CDH13: variants seen among roughly 807,000 people sequenced by gnomAD.
CDH13 encodes the protein cadherin 13, also known as cadherin-13.
In CDH13, 24 loss-of-function variants were observed where a neutral mutation model predicts 63.8. The observed-to-expected ratio is 0.38, with a 90% CI of 0.27 to 0.53. The LOEUF (loss-of-function observed/expected upper bound fraction) is 0.53, where lower values mean the gene tolerates loss of function less well. Ranked by LOEUF, CDH13 falls within the 20% of genes least tolerant of loss-of-function variation. The probability of loss-of-function intolerance (pLI) is 0.85; values close to 1 mark genes in which losing one functional copy is unlikely to be tolerated. For missense variants in CDH13, 1,049 were observed against 903.1 expected, an observed-to-expected ratio of 1.16 and a Z score of -2.07; for synonymous variants, 503 against 355.3, an observed-to-expected ratio of 1.42 and a Z score of -4.67.
intron 1 of CDH13, among the ~76,000 whole-genome samples, chr16:82,832,261 G>C (rs1258702710): frequency 1.3e-5 from 2 of 151,924 alleles, no homozygotes; most frequent in Non-Finnish European, 2.9e-5. Context: ...CTTTATAAAT[G>C]GCAGAATATT....
intron 6 of CDH13, among the ~76,000 whole-genome samples, chr16:83,374,265 C>A (rs8063037): frequency 0.3 from 46,244 of 152,068 alleles, 8,039 homozygotes; most frequent in East Asian, 0.47. Flanking sequence ...CATTTTACTC[C>A]AGGTAAAAGG....
Position 83,366,923 on chromosome 16 carries a change from CT to C in CDH13, c.781+21926del, listed in dbSNP as rs1188604879. 5.3e-5 allele frequency among the ~76,000 whole-genome samples: 8 copies of C among 151,662 alleles called. No individual in the cohort carries two copies. The South Asian group carries it at 1.0e-3, about 20-fold the overall frequency. On this transcript the variant is annotated intron_variant, in intron 6 of 13. Coordinates refer to ENST00000567109, the MANE Select transcript of CDH13 (RefSeq NM_001257.5). Reference sequence around the variant, plus strand: ...CAGTATGTTTAATACCCAAAGCCCTCTTTTTTTTTCTCCTTCTTTGTTTTTG... The same window carrying C: ...CAGTATGTTTAATACCCAAAGCCCTCTTTTTTTTCTCCTTCTTTGTTTTTG...
chr16:82,648,006 C>A (rs1910301236), intron 1 of CDH13, among the ~76,000 whole-genome samples: 1 of 152,160 alleles, frequency 6.6e-6, no homozygotes, highest in Admixed American at 6.5e-5. Context: ...TCATAAGGGG[C>A]AGTTCCCCTG....
chr16:82,865,188 C>T (rs542708872), intron 2 of CDH13, among the ~76,000 whole-genome samples: 89 of 152,260 alleles, frequency 5.8e-4, no homozygotes, highest in African/African-American at 1.8e-3. Flanking sequence ...GTAGCTTTTC[C>T]GGGAGGACAG....
intron 6 of CDH13, among the ~76,000 whole-genome samples, chr16:83,410,567 A>G (rs527588169): frequency 6.6e-6 from 1 of 152,242 alleles, no homozygotes; most frequent in East Asian, 1.9e-4. Flanking sequence ...TATATTTTGT[A>G]TTACCATCTT....
intron 5 of CDH13, among the ~76,000 whole-genome samples, chr16:83,302,424 G>C: frequency 6.6e-6 from 1 of 152,188 alleles, no homozygotes; most frequent in East Asian, 1.9e-4. Flanking sequence ...AATCTGACTT[G>C]TAACATTACC....
chr16:82,984,508 T>C (rs995283899), intron 2 of CDH13, among the ~76,000 whole-genome samples: 1 of 152,200 alleles, frequency 6.6e-6, no homozygotes, highest in African/African-American at 2.4e-5. Flanking sequence ...AATGACACCT[T>C]TTTCCTAAAT....
intron 1 of CDH13, among the ~76,000 whole-genome samples, chr16:82,761,689 C>T (rs2034863595): frequency 6.6e-6 from 1 of 152,202 alleles, no homozygotes; most frequent in African/African-American, 2.4e-5. Context: ...CATATCTCAA[C>T]AACTTCCACT....
chr16:83,455,737 C>A (rs750651914), intron 6 of CDH13, among the ~76,000 whole-genome samples: 7 of 152,170 alleles, frequency 4.6e-5, no homozygotes, highest in Admixed American at 6.5e-5. Flanking sequence ...GACAACTGTT[C>A]CTGCTTTCCA....
chr16:82,787,421 C>A (rs1232032689), intron 1 of CDH13, among the ~76,000 whole-genome samples: 2 of 152,072 alleles, frequency 1.3e-5, no homozygotes. Context: ...GAAGAAATTT[C>A]CGTCACAGAA....
At chr16:83,287,955 A>G (rs1471383684) in intron 5 of CDH13, among the ~76,000 whole-genome samples, 1 of 152,146 alleles carries the variant, frequency 6.6e-6, no homozygotes, top group Admixed American at 6.5e-5. Context: ...ATCCATAATG[A>G]GCAAAATATG....
chr16:83,516,263 G>A (rs536495488), intron 7 of CDH13, among the ~76,000 whole-genome samples: 12 of 152,308 alleles, frequency 7.9e-5, no homozygotes, highest in South Asian at 4.1e-4. Context: ...CACTGGAACC[G>A]TTTGGGGAGT....
intron 1 of CDH13, among the ~76,000 whole-genome samples, chr16:82,657,512 T>C (rs1368075148): frequency 1.3e-5 from 2 of 152,234 alleles, no homozygotes; most frequent in East Asian, 3.8e-4. Context: ...GCATGTAATT[T>C]AAAACTTATG....
intron 11 of CDH13, among the ~76,000 whole-genome samples, chr16:83,750,446 G>A (rs978858298): frequency 6.6e-6 from 1 of 152,162 alleles, no homozygotes; most frequent in Non-Finnish European, 1.5e-5. Flanking sequence ...CAATTGATAT[G>A]ACTGAACTGT....
intron 7 of CDH13, among the ~76,000 whole-genome samples, chr16:83,544,374 G>T (rs548361901): frequency 5.3e-5 from 8 of 152,038 alleles, no homozygotes; most frequent in Non-Finnish European, 8.8e-5. Context: ...CTCAACTTAC[G>T]ATGGGTTTAT....
intron 6 of CDH13, among the ~76,000 whole-genome samples, chr16:83,394,224 A>T (rs984260662): frequency 2.0e-5 from 3 of 152,096 alleles, no homozygotes; most frequent in Non-Finnish European, 1.5e-5. Flanking sequence ...AAAACTGCAC[A>T]TGTACCCCTG....
Position 83,301,450 on chromosome 16 carries a change from T to C in CDH13, c.637-43412T>C, listed in dbSNP as rs1010741174. The stretch of plus-strand genomic sequence containing the variant: ...TTTTACCCAGTACCTTGTTTAATGA[T>C]GGAGCTCATCATTTCGGAGTTTTTC... On this transcript the variant is annotated intron_variant, in intron 5 of 13. Coordinates refer to ENST00000567109, the MANE Select transcript of CDH13 (RefSeq NM_001257.5). Among the ~76,000 whole-genome samples the C allele has an allele frequency of 2.6e-5, 4 of 152,164 alleles. No individual in the cohort carries two copies. In the East Asian group the frequency reaches 7.7e-4, roughly 29 times the overall value.
At chr16:82,965,650 C>G (rs1003680813) in intron 2 of CDH13, among the ~76,000 whole-genome samples, 1 of 152,052 alleles carries the variant, frequency 6.6e-6, no homozygotes, top group African/African-American at 2.4e-5. Context: ...CCTGCCATGG[C>G]CAGTATTATT....
intron 7 of CDH13, among the ~76,000 whole-genome samples, chr16:83,533,229 C>T (rs894381883): frequency 6.6e-6 from 1 of 152,192 alleles, no homozygotes; most frequent in African/African-American, 2.4e-5. Context: ...AACTTCCCCT[C>T]AATGCGACGG....
Sources: allele counts gnomAD v4.1 joint callset (sites outside exome capture counted in the v4.1 genomes callset), GRCh38; gene constraint gnomAD v4.1.1; transcripts MANE v1.5; gene names NCBI Gene and HGNC (gene_info 2026-07-23, HGNC 2026-07-21).